Variants in SIN3A observed in about 807,000 individuals in gnomAD.
SIN3A encodes the protein paired amphipathic helix protein Sin3a.
SIN3A carries 14 observed loss-of-function variants against 146.1 expected under a neutral mutation model. The observed-to-expected ratio is 0.10, with a 90% CI of 0.06 to 0.15. The LOEUF (loss-of-function observed/expected upper bound fraction) is 0.15, where lower values mean the gene tolerates loss of function less well. SIN3A is among the 10% of genes least tolerant of loss of function. SIN3A has a pLI of 1.00. For missense variants in SIN3A, 1,028 were observed against 1,576.0 expected (o/e 0.65, Z 5.89); for synonymous variants, 572 against 572.0 (o/e 1.00, Z 0.00).
chr15:75,452,115 T>C (rs2074421206), upstream of SIN3A, among the ~76,000 whole-genome samples: 1 of 152,190 alleles, frequency 6.6e-6, no homozygotes, highest in Admixed American at 6.5e-5. Flanking sequence ...GTAAGGTAAG[T>C]AACCGATGTG....
Position 75,400,754 on chromosome 15 carries a change from T to C in SIN3A, c.1713A>G (p.Thr571=), listed in dbSNP as rs2073396605. 6 of 1,614,006 alleles carry C rather than the reference T, an allele frequency of 3.7e-6. No homozygotes were observed. Among genetic ancestry groups the C allele is most frequent in the Non-Finnish European group, 4.2e-6 (5 of 1,180,004 alleles). The change falls in exon 11 of 21, where the codon ACA becomes ACG. Residue 571 remains threonine, a synonymous_variant. Transcript: ENST00000394947. ...CCTCTTTACAGAGAGGAGTCCGTCC[T>C]GTACACTTGGGCTGCTGGTAACTCT... is the stretch of plus-strand genomic sequence containing the variant. ...LPKSYQQPKC[T]GRTPLCKEVL...
upstream of SIN3A, among the ~76,000 whole-genome samples, chr15:75,452,213 G>C (rs372682488): frequency 5.9e-5 from 9 of 152,254 alleles, no homozygotes; most frequent in African/African-American, 2.2e-4. Flanking sequence ...ATATCTTGGC[G>C]CTGGTAGGAC....
intron 3 of SIN3A, chr15:75,421,417 G>A (rs1193740771): frequency 2.0e-5 from 3 of 152,150 alleles, no homozygotes; most frequent in South Asian, 2.1e-4. Context: ...TCAATACTAT[G>A]TAAGCCAATA....
intron 12 of SIN3A, 47 bp from the exon 13 acceptor site, chr15:75,396,543 T>C (rs1567341759): frequency 1.2e-5 from 15 of 1,301,150 alleles, no homozygotes; most frequent in Admixed American, 1.9e-5. Flanking sequence ...CAAATCAAAA[T>C]AGAATAGAGT....
At chr15:75,405,164 C>G (rs1477910699) in intron 9 of SIN3A, among the ~76,000 whole-genome samples, 1 of 151,230 alleles carries the variant, frequency 6.6e-6, no homozygotes, top group Non-Finnish European at 1.5e-5. Flanking sequence ...GTCAGGAGTT[C>G]AAGACCAGCC....
chr15:75,414,150 C>A, intron 4 of SIN3A, 55 bp downstream of exon 4: 1 of 895,412 alleles, frequency 1.1e-6, no homozygotes, highest in South Asian at 2.5e-5. Flanking sequence ...TATCCTCTTC[C>A]TTCCAAAATC....
chr15:75,455,303 C>T (rs1466392704), upstream of SIN3A, among the ~76,000 whole-genome samples: 2 of 151,852 alleles, frequency 1.3e-5, no homozygotes, highest in Non-Finnish European at 2.9e-5. Context: ...GCCGACCATG[C>T]TCGAGCCGCC....
intron 20 of SIN3A, among the ~76,000 whole-genome samples, chr15:75,373,778 A>G (rs1233716373): frequency 1.3e-5 from 2 of 151,966 alleles, no homozygotes; most frequent in Admixed American, 1.3e-4. Context: ...AGAAAGAAAA[A>G]AAGAATGCAG....
chr15:75,441,878 TCA>T (rs1491533158), intron 1 of SIN3A, among the ~76,000 whole-genome samples: 3 of 151,992 alleles, frequency 2.0e-5, no homozygotes, highest in African/African-American at 7.3e-5. Context: ...CCCAGCACTC[TCA>T]GAGGCCGAGG....
intron 16 of SIN3A, among the ~76,000 whole-genome samples, chr15:75,386,969 C>A (rs2073095832): frequency 6.6e-6 from 1 of 152,128 alleles, no homozygotes; most frequent in South Asian, 2.1e-4. Flanking sequence ...CCATGCCCAG[C>A]TAATTTTTTG....
intron 11 of SIN3A, 36 bp from the exon 12 acceptor site, chr15:75,400,192 T>TA (rs2073384478): frequency 1.7e-6 from 2 of 1,197,322 alleles, no homozygotes; most frequent in South Asian, 2.6e-5. Flanking sequence ...AACAAAAGCC[T>TA]AAAAAAGCTT....
chr15:75,386,043 C>A (rs2073070160), intron 16 of SIN3A, among the ~76,000 whole-genome samples: 1 of 152,180 alleles, frequency 6.6e-6, no homozygotes. Flanking sequence ...CTTTTTGAGA[C>A]AGAGTCTCGC....
Position 75,406,968 on chromosome 15 carries a change from C to T in SIN3A, c.1407+87G>A, listed in dbSNP as rs1224976280. The T allele has an allele frequency of 7.8e-6, 7 of 902,480 alleles. No homozygotes were observed. In the South Asian group the frequency reaches 8.2e-5, roughly 11 times the overall value. The allele number at this position is 902,480 out of a possible 1,614,324, so 55.9% of individuals were successfully genotyped here. A position where few individuals can be genotyped will look rare whatever the true frequency, so the allele number is the denominator to read the frequency against. ...ACAGAAAGTCCTAATTAGCCTGACA[C>T]CTTTAAAACGAAACCTTCCAGGGGG... On this transcript the variant is annotated intron_variant, in intron 9 of 20. Transcript: ENST00000394947.
At chr15:75,422,918 A>G (rs550016067) in intron 2 of SIN3A, 95 bp from the exon 3 acceptor site, 2 of 1,316,148 alleles carry the variant, frequency 1.5e-6, no homozygotes, top group South Asian at 2.7e-5. Flanking sequence ...AAAGATAATT[A>G]ATTGGAAACC....
In SIN3A at chr15:75,434,281, G is replaced by A. The variant is rs77758530; in HGVS notation, c.-33-3873C>T. On this transcript the variant is annotated intron_variant, in intron 1 of 20. Transcript: ENST00000394947. ...CATTCATTAAAAGCAAATGTTCAGT[G>A]AGTAGATATGAAGTTGGTAGATGAT... Among the ~76,000 whole-genome samples, 1,296 of 152,284 alleles carry A rather than the reference G, an allele frequency of 8.5e-3. 36 individuals are homozygous for A. The East Asian group carries it at 0.11, about 12-fold the overall frequency.
chr15:75,378,522 C>T (rs1403190050), intron 19 of SIN3A, among the ~76,000 whole-genome samples: 3 of 152,128 alleles, frequency 2.0e-5, no homozygotes, highest in African/African-American at 7.2e-5. Flanking sequence ...TGAGATCACA[C>T]CATTGCACTC....
At chr15:75,373,604 T>A (rs550468955) in intron 20 of SIN3A, among the ~76,000 whole-genome samples, 25 of 152,100 alleles carry the variant, frequency 1.6e-4, no homozygotes, top group Non-Finnish European at 3.5e-4. Flanking sequence ...TCTAACTTAC[T>A]TTATTGTAAG....
Position 75,371,935 on chromosome 15 carries a change from C to T in SIN3A, c.*44G>A. On this transcript the variant is annotated 3_prime_UTR_variant, in exon 21 of 21. Coordinates refer to ENST00000394947, the MANE Select transcript of SIN3A (RefSeq NM_001145358.2). ...GTGTGTGAGTGCATAGGCCCACACA[C>T]ACATCCCCACACACACCCCAAGTTA... is the stretch of plus-strand genomic sequence containing the variant. 1 of 1,550,846 alleles carries T rather than the reference C, an allele frequency of 6.4e-7. No homozygotes were observed.
Position 75,414,714 on chromosome 15 carries a change from G to A in SIN3A, c.367-403C>T, listed in dbSNP as rs140736607. ...ATGTAGTCAGGAATCATAACACAGT[G>A]GGTAACCCGGTAATCACTCCATGCC... is the stretch of plus-strand genomic sequence containing the variant. On this transcript the variant is annotated intron_variant, in intron 3 of 20. Coordinates refer to ENST00000394947, the MANE Select transcript of SIN3A (RefSeq NM_001145358.2). 2.6e-5 allele frequency among the ~76,000 whole-genome samples: 4 copies of A among 152,292 alleles called. No individual in the cohort carries two copies. The East Asian group carries it at 7.7e-4, about 29-fold the overall frequency.
Sources: allele counts gnomAD v4.1 joint callset (sites outside exome capture counted in the v4.1 genomes callset), GRCh38; gene constraint gnomAD v4.1.1; transcripts MANE v1.5; gene names NCBI Gene and HGNC (gene_info 2026-07-23, HGNC 2026-07-21).